SLC16A1: variants seen among roughly 807,000 people sequenced by gnomAD.
SLC16A1 encodes the protein solute carrier family 16 member 1.
In SLC16A1, 11 loss-of-function variants were observed where a neutral mutation model predicts 32.2. The ratio of observed to expected loss-of-function variants is 0.34; its 90% CI spans 0.21 to 0.56. SLC16A1 has a LOEUF of 0.56. Ranked by LOEUF, SLC16A1 falls within the 20% of genes least tolerant of loss-of-function variation. SLC16A1 has a pLI of 0.87. For synonymous variants in SLC16A1, 231 were observed against 226.8 expected, an observed-to-expected ratio of 1.02 and a Z score of -0.17; for missense variants, 435 against 615.0, an observed-to-expected ratio of 0.71 and a Z score of 3.10.
At chr1:112,943,452 T>C (rs1649581126) in intron 1 of SLC16A1, among the ~76,000 whole-genome samples, 1 of 152,158 alleles carries the variant, frequency 6.6e-6, no homozygotes, top group Non-Finnish European at 1.5e-5. Flanking sequence ...CAAATATCAA[T>C]GTCCTAAATT....
chr1:112,952,230 C>T (rs368425441), intron 1 of SLC16A1, among the ~76,000 whole-genome samples: 238 of 152,208 alleles, frequency 1.6e-3, no homozygotes, highest in Non-Finnish European at 2.5e-3. Context: ...TGAGAGAAAC[C>T]GGAGGAAAAA....
At chr1:112,932,874 T>C (rs1054906201) in intron 1 of SLC16A1, among the ~76,000 whole-genome samples, 9 of 148,568 alleles carry the variant, frequency 6.1e-5, no homozygotes, top group Admixed American at 2.0e-4. Flanking sequence ...CAGATATGTA[T>C]AAAGAAAACC....
At chr1:112,942,293 G>A (rs1047814420) in intron 1 of SLC16A1, among the ~76,000 whole-genome samples, 1 of 152,108 alleles carries the variant, frequency 6.6e-6, no homozygotes, top group Non-Finnish European at 1.5e-5. Context: ...TTTCTACCTT[G>A]TGAATGACTT....
chr1:112,923,259 C>T (rs1385961654), intron 2 of SLC16A1, among the ~76,000 whole-genome samples: 1 of 37,902 alleles, frequency 2.6e-5, no homozygotes, highest in Non-Finnish European at 4.3e-5. Context: ...GTGGAGGTTG[C>T]GGTGAGCCAT....
chr1:112,954,457 C>T (rs1255462533), intron 1 of SLC16A1, among the ~76,000 whole-genome samples: 1 of 152,180 alleles, frequency 6.6e-6, no homozygotes, highest in Non-Finnish European at 1.5e-5. Flanking sequence ...GGATCCTGAT[C>T]AGCTGGTCAT....
chr1:112,955,786 G>A (rs1396217896), intron 1 of SLC16A1: 3 of 152,396 alleles, frequency 2.0e-5, no homozygotes, highest in African/African-American at 7.2e-5. Context: ...CCAGGCCTGG[G>A]ACCGGCATCT....
intron 2 of SLC16A1, among the ~76,000 whole-genome samples, chr1:112,926,786 A>C (rs1434165386): frequency 6.6e-6 from 1 of 151,628 alleles, no homozygotes; most frequent in Non-Finnish European, 1.5e-5. Context: ...AAGGGGGAGG[A>C]CCGATCACCT....
intron 1 of SLC16A1, among the ~76,000 whole-genome samples, chr1:112,941,944 T>C (rs1649526067): frequency 6.6e-6 from 1 of 151,880 alleles, no homozygotes; most frequent in Non-Finnish European, 1.5e-5. Flanking sequence ...TTCTGACACC[T>C]CTCTCTGTCC....
At chr1:112,948,943 G>A (rs1388049848) in intron 1 of SLC16A1, among the ~76,000 whole-genome samples, 6 of 152,108 alleles carry the variant, frequency 3.9e-5, no homozygotes, top group African/African-American at 1.2e-4. Context: ...CCTTTCTCCC[G>A]CCTCAGCCTC....
At chr1:112,914,843 T>C (rs112644653) in intron 4 of SLC16A1, among the ~76,000 whole-genome samples, 37 of 152,374 alleles carry the variant, frequency 2.4e-4, no homozygotes, top group African/African-American at 8.7e-4. Flanking sequence ...AAAAGTCAAA[T>C]GAATTGATAA....
At chr1:112,943,984 T>C (rs924365333) in intron 1 of SLC16A1, among the ~76,000 whole-genome samples, 2 of 152,060 alleles carry the variant, frequency 1.3e-5, no homozygotes, top group African/African-American at 4.8e-5. Context: ...TCATGGAGCT[T>C]AGATTCTGGG....
chr1:112,914,929 T>C (rs536358664), intron 4 of SLC16A1, among the ~76,000 whole-genome samples: 92 of 152,358 alleles, frequency 6.0e-4, no homozygotes, highest in African/African-American at 2.2e-3. Context: ...TGTTTACAAA[T>C]TTTATTTTGG....
intron 2 of SLC16A1, 52 bp downstream of exon 2, chr1:112,929,040 C>A: frequency 8.0e-7 from 1 of 1,250,464 alleles, no homozygotes; most frequent in Non-Finnish European, 1.2e-6. Context: ...CTAATACAGA[C>A]ACTCTGGCTG....
At chr1:112,928,260 A>C (rs1649007792) in intron 2 of SLC16A1, among the ~76,000 whole-genome samples, 1 of 152,236 alleles carries the variant, frequency 6.6e-6, no homozygotes, top group Non-Finnish European at 1.5e-5. Context: ...TATGATTTCA[A>C]CTGCTTATTC....
intron 1 of SLC16A1, among the ~76,000 whole-genome samples, chr1:112,953,768 G>A (rs879718697): frequency 8.2e-4 from 125 of 152,086 alleles, no homozygotes; most frequent in Non-Finnish European, 1.6e-3. Context: ...GTCTTGCCTG[G>A]CTAGCTCTTT....
chr1:112,930,524 G>A (rs1649092118), intron 1 of SLC16A1, among the ~76,000 whole-genome samples: 1 of 152,062 alleles, frequency 6.6e-6, no homozygotes, highest in Admixed American at 6.5e-5. Flanking sequence ...AAGCTTTAGA[G>A]TCATAGTATT....
chr1:112,939,545 G>A lies in SLC16A1; in HGVS notation c.-44-10193C>T, dbSNP rs185668712. ...GAAAATACATATAGTTGGTCTTGTC[G>A]CCCAGGCTGGAGTGCAATGGCATGA... On this transcript the variant is annotated intron_variant, in intron 1 of 4. Transcript: ENST00000369626. Among the ~76,000 whole-genome samples, 1,375 of 152,162 alleles carry A rather than the reference G, an allele frequency of 9.0e-3. 8 individuals carry two copies. The highest frequency in any genetic ancestry group is 0.014 in the Middle Eastern group (4 of 294).
chr1:112,922,369 A>C, intron 2 of SLC16A1: 1 of 550,234 alleles, frequency 1.8e-6, no homozygotes, highest in South Asian at 2.1e-5. Context: ...CTAAAATACA[A>C]AAGACCTGAA....
chr1:112,913,157 G>C lies in SLC16A1; in HGVS notation c.*734C>G, dbSNP rs1648381670. 6.6e-6 allele frequency: 1 copy of C among 152,224 alleles called. No homozygotes were observed. The highest frequency in any genetic ancestry group is 6.5e-5 in the Admixed American group (1 of 15,272). 9.4% of individuals were successfully genotyped at this position (152,224 alleles called of 1,614,324 possible). On this transcript the variant is annotated 3_prime_UTR_variant, in exon 5 of 5. Coordinates refer to ENST00000369626, the MANE Select transcript of SLC16A1 (RefSeq NM_003051.4). ...ACACTCAAAATGCATCTTTGAACAGGGGAGCAGAAATAGCTAATTTAATGA... is the reference window on the plus strand; with the variant it reads ...ACACTCAAAATGCATCTTTGAACAGCGGAGCAGAAATAGCTAATTTAATGA...
Sources: gnomAD v4.1 joint callset for allele counts (sites outside exome capture counted in the v4.1 genomes callset) on GRCh38, gnomAD v4.1.1 for gene constraint, MANE v1.5 for transcripts, NCBI Gene and HGNC (gene_info 2026-07-23, HGNC 2026-07-21) for gene names.